Variants in ANKFN1 observed in about 807,000 individuals in gnomAD.
ANKFN1 encodes the protein ankyrin repeat and fibronectin type-III domain-containing protein 1.
In ANKFN1, 74 loss-of-function variants were observed where a neutral mutation model predicts 108.7. That is an observed-to-expected ratio of 0.68 (90% CI 0.56 to 0.83). The LOEUF (loss-of-function observed/expected upper bound fraction) is 0.83. Among genes scored for constraint, ANKFN1 ranks in the 40% least tolerant of loss-of-function variants. The probability of loss-of-function intolerance (pLI) is 0.00; values close to 1 mark genes in which losing one functional copy is unlikely to be tolerated. For missense variants in ANKFN1, 1,505 were observed against 1,382.3 expected (o/e 1.09, Z -1.41); for synonymous variants, 547 against 516.2 (o/e 1.06, Z -0.81).
intron 4 of ANKFN1, among the ~76,000 whole-genome samples, chr17:56,146,778 G>T (rs934261832): frequency 2.0e-5 from 3 of 152,166 alleles, no homozygotes; most frequent in African/African-American, 4.8e-5. Context: ...GGGACTGAAG[G>T]TCTCTGACAT....
intron 20 of ANKFN1, among the ~76,000 whole-genome samples, chr17:56,503,486 CATATATATATATATATAT>C (rs3052391): frequency 0.011 from 918 of 81,540 alleles, 61 homozygotes; most frequent in African/African-American, 0.059. Context: ...GCACAAATTT[CATATATATATATATATAT>C]ATATATATAT....
At chr17:56,109,648 A>C (rs1905847335) in intron 4 of ANKFN1, among the ~76,000 whole-genome samples, 1 of 152,242 alleles carries the variant, frequency 6.6e-6, no homozygotes, top group Non-Finnish European at 1.5e-5. Flanking sequence ...AAAATGACAT[A>C]CTTGCTTTTC....
chr17:56,414,631 A>G (rs1446628188), intron 8 of ANKFN1, among the ~76,000 whole-genome samples: 18 of 152,228 alleles, frequency 1.2e-4, no homozygotes, highest in Admixed American at 1.1e-3. Flanking sequence ...AGTTAATGTA[A>G]TATATCATAT....
chr17:56,457,294 A>T lies in ANKFN1; in HGVS notation c.1345A>T (p.Asn449Tyr). Reference sequence around the variant, plus strand: ...AGCCGTTATATTTTATTACAAAGACAATATCTTAGTCACCAATGAAGATCA... The same window carrying T: ...AGCCGTTATATTTTATTACAAAGACTATATCTTAGTCACCAATGAAGATCA... ...YIAVIFYYKD[N>Y]ILVTNEDQVP... Residue 449 changes from asparagine (N) to tyrosine (Y), a missense_variant, in exon 13 of 21, where the codon AAT (asparagine) becomes TAT (tyrosine). Transcript: ENST00000682825. 6.2e-7 allele frequency: 1 copy of T among 1,600,516 alleles called. No individual in the cohort carries two copies.
At chr17:56,319,871 TTA>T (rs1349718540) in intron 3 of ANKFN1, among the ~76,000 whole-genome samples, 1 of 152,182 alleles carries the variant, frequency 6.6e-6, no homozygotes, top group Admixed American at 6.5e-5. Flanking sequence ...TGAAAAATAA[TTA>T]TGTTACATTA....
Position 56,466,405 on chromosome 17 carries a change from A to C in ANKFN1, c.1607A>C (p.Lys536Thr). Residue 536 changes from lysine (K) to threonine (T), a missense_variant, in exon 15 of 21, where the codon AAA (lysine) becomes ACA (threonine). Coordinates refer to ENST00000682825, the MANE Select transcript of ANKFN1 (RefSeq NM_001370326.1). Reference protein sequence around the residue: ...NLGRVYYEPIKDRHGNILIVT... With the variant: ...NLGRVYYEPITDRHGNILIVT... ...GGAAGAGTTTACTATGAGCCCATTA[A>C]AGATCGACATGGAAACATACTCATA... The C allele has an allele frequency of 6.2e-7, 1 of 1,614,188 alleles. No homozygotes were observed. Among genetic ancestry groups the C allele is most frequent in the Non-Finnish European group, 8.5e-7 (1 of 1,180,012 alleles).
chr17:56,403,058 G>A (rs112716534), intron 8 of ANKFN1, among the ~76,000 whole-genome samples: 9,558 of 152,146 alleles, frequency 0.063, 997 homozygotes, highest in African/African-American at 0.22. Context: ...TGGTCTGAGA[G>A]AGTGCTTGAT....
At chr17:56,421,515 G>A (rs2048404269) in intron 8 of ANKFN1, among the ~76,000 whole-genome samples, 1 of 152,108 alleles carries the variant, frequency 6.6e-6, no homozygotes, top group Admixed American at 6.5e-5. Context: ...AACCTCTTTG[G>A]CATCACTCTC....
rs375812376 is a variant in ANKFN1, at chr17:56,510,925, A to G, written c.3097A>G (p.Ile1033Val). 6.5e-6 allele frequency: 10 copies of G among 1,535,698 alleles called. No individual in the cohort carries two copies. The East Asian group carries it at 7.3e-5, about 11-fold the overall frequency. ...ETQSLSLSEG[I>V]YTQHLSQACG... is the part of the protein sequence containing the mutation. ...CCAGTCGCTATCGCTCTCTGAGGGC[A>G]TTTATACACAGCACCTGTCCCAGGC... Residue 1033 changes from isoleucine (I) to valine (V), a missense_variant, in exon 21 of 21, where the codon ATT (isoleucine) becomes GTT (valine). Coordinates refer to ENST00000682825, the MANE Select transcript of ANKFN1 (RefSeq NM_001370326.1).
chr17:56,206,824 A>G (rs1914580006), intron 1 of ANKFN1: 1 of 152,070 alleles, frequency 6.6e-6, no homozygotes, highest in South Asian at 2.1e-4. Flanking sequence ...ACTCCTCTCT[A>G]CTTGCAAAGT....
chr17:56,170,857 T>A (rs1910635036), intron 1 of ANKFN1, among the ~76,000 whole-genome samples: 1 of 140,916 alleles, frequency 7.1e-6, no homozygotes, highest in African/African-American at 2.6e-5. Context: ...TATATATGTA[T>A]AGTCCCCATA....
intron 19 of ANKFN1, among the ~76,000 whole-genome samples, chr17:56,492,958 G>A (rs1253878856): frequency 1.3e-5 from 2 of 152,288 alleles, no homozygotes; most frequent in Middle Eastern, 6.8e-3. Flanking sequence ...GATCTGGCCT[G>A]AAATTGCCTC....
chr17:56,432,915 G>A (rs1462923771), intron 8 of ANKFN1, among the ~76,000 whole-genome samples: 1 of 151,974 alleles, frequency 6.6e-6, no homozygotes, highest in African/African-American at 2.4e-5. Context: ...TCCAAAATCT[G>A]CTTGAGCAAT....
intron 8 of ANKFN1, among the ~76,000 whole-genome samples, chr17:56,404,138 C>T (rs1312746372): frequency 6.6e-6 from 1 of 152,148 alleles, no homozygotes; most frequent in East Asian, 1.9e-4. Context: ...TGACAATGTG[C>T]CTAGGTGATG....
chr17:56,067,861 A>G (rs1905078359), intron 4 of ANKFN1, among the ~76,000 whole-genome samples: 1 of 152,178 alleles, frequency 6.6e-6, no homozygotes, highest in East Asian at 1.9e-4. Flanking sequence ...TTTCTGGAAT[A>G]CAGTTTTCCT....
intron 1 of ANKFN1, among the ~76,000 whole-genome samples, chr17:56,184,296 G>A (rs1911978173): frequency 6.6e-6 from 1 of 152,186 alleles, no homozygotes. Flanking sequence ...TCAGTCAGCA[G>A]CCAGCAACAT....
chr17:56,494,052 T>C (rs972872), intron 19 of ANKFN1, among the ~76,000 whole-genome samples: 82,971 of 152,096 alleles, frequency 0.55, 25,579 homozygotes, highest in East Asian at 0.89. Context: ...TAATACATTA[T>C]ATATTCATTC....
intron 8 of ANKFN1, among the ~76,000 whole-genome samples, chr17:56,390,216 G>A (rs985222647): frequency 6.6e-6 from 1 of 150,882 alleles, no homozygotes; most frequent in South Asian, 2.1e-4. Context: ...CCCCTTGACA[G>A]ACCCCAATGT....
intron 8 of ANKFN1, among the ~76,000 whole-genome samples, chr17:56,429,409 C>T (rs2048680220): frequency 6.6e-6 from 1 of 152,196 alleles, no homozygotes; most frequent in Non-Finnish European, 1.5e-5. Context: ...TTAGGCTTTG[C>T]AGGTTATATG....
Sources: gnomAD v4.1 joint callset for allele counts (sites outside exome capture counted in the v4.1 genomes callset) on GRCh38, gnomAD v4.1.1 for gene constraint, MANE v1.5 for transcripts, NCBI Gene and HGNC (gene_info 2026-07-23, HGNC 2026-07-21) for gene names.